Variants in SEH1L observed in about 807,000 individuals in gnomAD.
The protein encoded by SEH1L is nucleoporin SEH1.
A neutral mutation model predicts 49.5 loss-of-function variants in SEH1L; 18 were observed. That is an observed-to-expected ratio of 0.36 (90% CI 0.25 to 0.54). The LOEUF (loss-of-function observed/expected upper bound fraction) is 0.54, where lower values mean the gene tolerates loss of function less well. SEH1L is among the 20% of genes least tolerant of loss of function. SEH1L has a pLI of 0.87. For synonymous variants in SEH1L, 169 were observed against 178.1 expected (o/e 0.95, Z 0.41); for missense variants, 404 against 528.8 (o/e 0.76, Z 2.31).
At chr18:12,956,138 G>A (rs561973732) in intron 3 of SEH1L, among the ~76,000 whole-genome samples, 7 of 151,420 alleles carry the variant, frequency 4.6e-5, no homozygotes, top group Admixed American at 2.0e-4. Flanking sequence ...TCCGCCTCCC[G>A]GGTTCACGCC....
At chr18:12,964,492 C>T (rs978500602) in intron 4 of SEH1L, 1 of 151,992 alleles carries the variant, frequency 6.6e-6, no homozygotes, top group Non-Finnish European at 1.5e-5. Context: ...TTCCACATCC[C>T]AAGGTATGAC....
intron 5 of SEH1L, among the ~76,000 whole-genome samples, chr18:12,975,026 C>CTT (rs1475033868): frequency 6.6e-6 from 1 of 150,994 alleles, no homozygotes; most frequent in Non-Finnish European, 1.5e-5. Flanking sequence ...AAGTTTCACT[C>CTT]TTGTTGCCCA....
At chr18:12,967,390 C>T (rs2031497470) in intron 4 of SEH1L, among the ~76,000 whole-genome samples, 1 of 152,202 alleles carries the variant, frequency 6.6e-6, no homozygotes. Context: ...CCCAGCCTTC[C>T]TATGTTTAGG....
chr18:12,959,210 T>C (rs1373367433), intron 3 of SEH1L, among the ~76,000 whole-genome samples: 2 of 152,234 alleles, frequency 1.3e-5, no homozygotes, highest in Non-Finnish European at 2.9e-5. Context: ...TTTGTTGTTA[T>C]AGGAGTTCTT....
rs1025360647 is a variant in SEH1L at position 12,975,820 on chromosome 18, A to G, written c.621-2932A>G. On this transcript the variant is annotated intron_variant, in intron 5 of 8. Coordinates refer to ENST00000399892, the MANE Select transcript of SEH1L (RefSeq NM_001013437.2). ...ACTATGATGTGGAATGAGGACATGC[A>G]CTGTGGCGTGGGATGAAGAGGGACC... 22 of 985,728 alleles carry G rather than the reference A, an allele frequency of 2.2e-5. No homozygotes were observed. In the Admixed American group the frequency reaches 1.2e-3, roughly 52 times the overall value. The allele number at this position is 985,728 out of a possible 1,614,324, so 61.1% of individuals were successfully genotyped here. A position where few individuals can be genotyped will look rare whatever the true frequency, so the allele number is the denominator to read the frequency against.
At chr18:12,983,071 T>G (rs1306429247) in intron 7 of SEH1L, 1 of 153,826 alleles carries the variant, frequency 6.5e-6, no homozygotes, top group Non-Finnish European at 1.4e-5. Context: ...CTTCCCTGCT[T>G]CTTCTCTGCA....
At chr18:12,965,129 C>T (rs1168272761) in intron 4 of SEH1L, among the ~76,000 whole-genome samples, 1 of 150,454 alleles carries the variant, frequency 6.6e-6, no homozygotes, top group Non-Finnish European at 1.5e-5. Context: ...TCCCCTGCCT[C>T]AGCCACCTGA....
At chr18:12,971,358 C>A in intron 5 of SEH1L, 107 bp downstream of exon 5, 1 of 757,522 alleles carries the variant, frequency 1.3e-6, no homozygotes, top group Non-Finnish European at 2.2e-6. Context: ...CATATGTTTG[C>A]TGATTTACTA....
chr18:12,949,441 C>CTTT (rs1568206195), intron 1 of SEH1L, among the ~76,000 whole-genome samples: 3 of 85,434 alleles, frequency 3.5e-5, no homozygotes, highest in African/African-American at 8.6e-5. Flanking sequence ...CTACGTTAAC[C>CTTT]GTTTTTTTTT....
chr18:12,966,589 A>G (rs2031464201), intron 4 of SEH1L, among the ~76,000 whole-genome samples: 1 of 151,986 alleles, frequency 6.6e-6, no homozygotes, highest in South Asian at 2.1e-4. Context: ...TTTTGTGGAT[A>G]TGGGGTTTCG....
intron 4 of SEH1L, among the ~76,000 whole-genome samples, chr18:12,965,959 G>C (rs1482782197): frequency 6.6e-6 from 1 of 152,188 alleles, no homozygotes; most frequent in East Asian, 1.9e-4. Context: ...CCCAGCTACA[G>C]TAACCCAAAG....
intron 6 of SEH1L, among the ~76,000 whole-genome samples, chr18:12,981,850 A>ATTTTTTTTTTTTTTTTTTTTTTTTT (rs554886753): frequency 1.1e-5 from 1 of 88,192 alleles, no homozygotes; most frequent in African/African-American, 5.7e-5. Context: ...TGCCCTGCCC[A>ATTTTTTTTTTTTTTTTTTTTTTTTT]TTTTTTTTTT....
At chr18:12,957,092 T>C (rs2098980237) in intron 3 of SEH1L, among the ~76,000 whole-genome samples, 1 of 150,938 alleles carries the variant, frequency 6.6e-6, no homozygotes, top group African/African-American at 2.4e-5. Context: ...TCTATAAAAA[T>C]TGTTTCTTTT....
At chr18:12,961,197 A>C (rs751977396) in intron 3 of SEH1L, among the ~76,000 whole-genome samples, 6 of 152,136 alleles carry the variant, frequency 3.9e-5, no homozygotes, top group Admixed American at 1.3e-4. Context: ...TTTTCCCTTA[A>C]CAGAATGTTC....
chr18:12,985,936 C>T lies in SEH1L; in HGVS notation c.1071-926C>T, dbSNP rs187193107. 1.3e-3 allele frequency: 1,221 copies of T among 918,528 alleles called. 5 individuals are homozygous for T. Among genetic ancestry groups the T allele is most frequent in the Non-Finnish European group, 1.4e-3 (1,063 of 769,572 alleles). 56.9% of individuals were successfully genotyped at this position (918,528 alleles called of 1,614,324 possible). On this transcript the variant is annotated intron_variant, in intron 8 of 8. Coordinates refer to ENST00000399892, the MANE Select transcript of SEH1L (RefSeq NM_001013437.2). Reference sequence around the variant, plus strand: ...TTACAATTTGGGACTAAGATGGAAACACTTTTTTTATAAGTTTTTAATTCA... The same window carrying T: ...TTACAATTTGGGACTAAGATGGAAATACTTTTTTTATAAGTTTTTAATTCA...
chr18:12,971,051 C>A, intron 4 of SEH1L, 102 bp from the exon 5 acceptor site: 1 of 768,902 alleles, frequency 1.3e-6, no homozygotes, highest in Non-Finnish European at 2.3e-6. Context: ...GTGTGACAGG[C>A]TAACTGTAAG....
chr18:12,960,316 C>T (rs2145620544), intron 3 of SEH1L, among the ~76,000 whole-genome samples: 1 of 152,352 alleles, frequency 6.6e-6, no homozygotes, highest in East Asian at 1.9e-4. Flanking sequence ...TTATTTATTT[C>T]AGTCATTAAA....
intron 4 of SEH1L, among the ~76,000 whole-genome samples, chr18:12,969,866 G>C (rs1441416867): frequency 6.6e-6 from 1 of 151,856 alleles, no homozygotes; most frequent in African/African-American, 2.4e-5. Context: ...CTCCAGCCTG[G>C]GTGACAGAGC....
At chr18:12,948,382 C>G in intron 1 of SEH1L, 150 bp downstream of exon 1, 1 of 562,468 alleles carries the variant, frequency 1.8e-6, no homozygotes, top group Non-Finnish European at 3.1e-6. Flanking sequence ...GAGCGGAAGC[C>G]CTCCCCGCCC....
Sources: gnomAD v4.1 joint callset for allele counts (sites outside exome capture counted in the v4.1 genomes callset) on GRCh38, gnomAD v4.1.1 for gene constraint, MANE v1.5 for transcripts, NCBI Gene and HGNC (gene_info 2026-07-23, HGNC 2026-07-21) for gene names.